The following EIF3H variants were observed in gnomAD, a reference collection of about 807,000 sequenced individuals.
The protein encoded by EIF3H is eukaryotic translation initiation factor 3 subunit H, also known as eIF-3-gamma.
A neutral mutation model predicts 44.2 loss-of-function variants in EIF3H; 26 were observed. The ratio of observed to expected loss-of-function variants is 0.59; its 90% confidence interval spans 0.43 to 0.82. The LOEUF is 0.82. Among genes scored for constraint, EIF3H ranks in the 40% least tolerant of loss-of-function variants. The pLI, the probability that EIF3H is intolerant of heterozygous loss-of-function variation, is 0.00. For synonymous variants in EIF3H, 166 were observed against 151.9 expected (o/e 1.09, Z -0.68); for missense variants, 359 against 432.8 (o/e 0.83, Z 1.51).
At chr8:116,717,647 A>C (rs1186283013) in intron 2 of EIF3H, among the ~76,000 whole-genome samples, 1 of 152,198 alleles carries the variant, frequency 6.6e-6, no homozygotes. Flanking sequence ...CAAAGTGGGG[A>C]AATGACACCC....
At chr8:116,648,177 A>C (rs980151838) in intron 6 of EIF3H, among the ~76,000 whole-genome samples, 2 of 152,206 alleles carry the variant, frequency 1.3e-5, no homozygotes, top group Non-Finnish European at 2.9e-5. Flanking sequence ...GGAATCAACT[A>C]ATCTATGAAT....
intron 1 of EIF3H, among the ~76,000 whole-genome samples, chr8:116,754,441 TTAGAA>T (rs1815407779): frequency 1.3e-5 from 2 of 152,298 alleles, no homozygotes; most frequent in Admixed American, 1.3e-4. Context: ...CAAGTGACAT[TTAGAA>T]CAAAACATTC....
chr8:116,691,447 T>A (rs574479055), intron 2 of EIF3H, among the ~76,000 whole-genome samples: 2 of 152,238 alleles, frequency 1.3e-5, no homozygotes, highest in East Asian at 3.9e-4. Context: ...CTTTGGTCAG[T>A]TAATATGTAC....
At chr8:116,766,338 G>A (rs1815573662), upstream of EIF3H, 4 of 396,360 alleles carry the variant, frequency 1.0e-5, no homozygotes, top group South Asian at 1.3e-4. Context: ...GCCCCCGTGC[G>A]GAATCGCGCA....
chr8:116,724,351 CA>C (rs1166296764), intron 2 of EIF3H, among the ~76,000 whole-genome samples: 1 of 151,922 alleles, frequency 6.6e-6, no homozygotes, highest in Non-Finnish European at 1.5e-5. Flanking sequence ...AACTTCCTAC[CA>C]AAAAACAGAG....
At chr8:116,755,397 G>A (rs1341504912) in intron 1 of EIF3H, among the ~76,000 whole-genome samples, 2 of 151,980 alleles carry the variant, frequency 1.3e-5, no homozygotes, top group African/African-American at 2.4e-5. Flanking sequence ...TCCCCCCACC[G>A]GTCATCTCAA....
intron 5 of EIF3H, among the ~76,000 whole-genome samples, chr8:116,650,315 G>C (rs1813367290): frequency 6.6e-6 from 1 of 152,154 alleles, no homozygotes; most frequent in Admixed American, 6.5e-5. Context: ...GTGGAAAACA[G>C]TTTGGTGGTT....
chr8:116,755,814 GAAGA>G lies in EIF3H; in HGVS notation c.-21_-18del, dbSNP rs1252968182. 5 of 1,611,690 alleles carry G rather than the reference GAAGA, an allele frequency of 3.1e-6. No individual in the cohort carries two copies. Among genetic ancestry groups the G allele is most frequent in the Non-Finnish European group, 4.2e-6 (5 of 1,179,948 alleles). On this transcript the variant is annotated 5_prime_UTR_variant, in exon 1 of 8. Coordinates refer to ENST00000521861, the MANE Select transcript of EIF3H (RefSeq NM_003756.3). ...GGACGCCATCTTTCCAAGCAGACAG[GAAGA>G]AAGAGAAACGTGAGTTACCGGAAGC...
intron 2 of EIF3H, among the ~76,000 whole-genome samples, chr8:116,713,428 G>C (rs1220274161): frequency 6.6e-6 from 1 of 152,032 alleles, no homozygotes. Context: ...ATGCACAAGA[G>C]TTTCTCAACT....
chr8:116,733,587 A>G (rs1814985558), intron 1 of EIF3H, among the ~76,000 whole-genome samples: 1 of 152,082 alleles, frequency 6.6e-6, no homozygotes, highest in South Asian at 2.1e-4. Context: ...TATTTCATGT[A>G]TTTCAAGGCC....
At chr8:116,750,392 C>T (rs927454491) in intron 1 of EIF3H, among the ~76,000 whole-genome samples, 1 of 71,126 alleles carries the variant, frequency 1.4e-5, no homozygotes, top group African/African-American at 5.5e-5. Context: ...CTAGGTCTGT[C>T]TTTAGCATGA....
chr8:116,736,588 G>A (rs1815045185), intron 1 of EIF3H, among the ~76,000 whole-genome samples: 1 of 152,144 alleles, frequency 6.6e-6, no homozygotes, highest in South Asian at 2.1e-4. Flanking sequence ...TTTCAACCGG[G>A]GAGGCAGAGT....
At chr8:116,696,719 A>G (rs1814274151) in intron 2 of EIF3H, among the ~76,000 whole-genome samples, 1 of 152,116 alleles carries the variant, frequency 6.6e-6, no homozygotes, top group Non-Finnish European at 1.5e-5. Context: ...TGTTGTTGTT[A>G]GCATGATATT....
intron 2 of EIF3H, among the ~76,000 whole-genome samples, chr8:116,677,056 G>A (rs1813861071): frequency 6.6e-6 from 1 of 152,090 alleles, no homozygotes. Context: ...ATCAAGGAAA[G>A]GGGAGAAATT....
chr8:116,669,749 G>A (rs1191452185), intron 2 of EIF3H, among the ~76,000 whole-genome samples: 1 of 152,148 alleles, frequency 6.6e-6, no homozygotes, highest in Non-Finnish European at 1.5e-5. Context: ...CTAAAGAAGT[G>A]GAAGATGGCA....
intron 1 of EIF3H, among the ~76,000 whole-genome samples, chr8:116,750,266 C>T (rs1815306788): frequency 6.6e-6 from 1 of 152,238 alleles, no homozygotes. Context: ...CAGAGTAAGT[C>T]GATTAAGTCA....
rs548099656 is a variant in EIF3H, at chr8:116,649,966, T to C, written c.708-1040A>G. The stretch of plus-strand genomic sequence containing the variant: ...TGAGATGGGCAAGAATTAGGCAGAT[T>C]TGATGACACAAGAGGCCTGGCATGG... On this transcript the variant is annotated intron_variant, in intron 5 of 7. Transcript: ENST00000521861. Among the ~76,000 whole-genome samples the C allele has an allele frequency of 3.4e-4, 51 of 152,208 alleles. 1 individual carries two copies. The South Asian group carries it at 0.01, about 31-fold the overall frequency.
intron 1 of EIF3H, among the ~76,000 whole-genome samples, chr8:116,739,511 G>A (rs534793504): frequency 1.2e-4 from 19 of 152,292 alleles, no homozygotes; most frequent in Admixed American, 2.6e-4. Flanking sequence ...TTAGCCGGGC[G>A]TGGTGATGGG....
intron 1 of EIF3H, among the ~76,000 whole-genome samples, chr8:116,739,175 T>C (rs989914466): frequency 3.9e-5 from 6 of 152,230 alleles, no homozygotes; most frequent in African/African-American, 7.2e-5. Flanking sequence ...GCATGAGCGA[T>C]CCGTGCCTTA....
Sources: gnomAD v4.1 joint callset for allele counts (sites outside exome capture counted in the v4.1 genomes callset) on GRCh38, gnomAD v4.1.1 for gene constraint, MANE v1.5 for transcripts, NCBI Gene and HGNC (gene_info 2026-07-23, HGNC 2026-07-21) for gene names.